Variants in MACF1 observed in about 807,000 individuals in gnomAD.
The protein encoded by MACF1 is microtubule-actin cross-linking factor 1.
MACF1 carries 193 observed loss-of-function variants against 854.8 expected under a neutral mutation model. That is an observed-to-expected ratio of 0.23 (90% CI 0.20 to 0.25). The LOEUF is 0.25. Among genes scored for constraint, MACF1 ranks in the 10% least tolerant of loss-of-function variants. MACF1 has a pLI of 1.00. For missense variants in MACF1, 7,722 were observed against 8,929.1 expected, an observed-to-expected ratio of 0.86 and a Z score of 5.45; for synonymous variants, 3,185 against 3,226.7, an observed-to-expected ratio of 0.99 and a Z score of 0.44.
chr1:39,182,543 G>A (rs1301955721), intron 2 of MACF1, among the ~76,000 whole-genome samples: 1 of 152,080 alleles, frequency 6.6e-6, no homozygotes, highest in Non-Finnish European at 1.5e-5. Flanking sequence ...AATGGGCAAA[G>A]GATTTATATA....
chr1:39,084,210 G>A lies in MACF1; in HGVS notation c.-9G>A, dbSNP rs199946219. 37 of 1,611,518 alleles carry A rather than the reference G, an allele frequency of 2.3e-5. No individual in the cohort carries two copies. Among genetic ancestry groups the A allele is most frequent in the African/African-American group, 2.7e-5 (2 of 75,014 alleles). ...CCCAGGCCCTCCTGCAGCAGCCCCC[G>A]CCTGGGCCATGTCTTCCTCAGATGA... On this transcript the variant is annotated 5_prime_UTR_variant, in exon 2 of 94. Coordinates refer to the MACF1 transcript ENST00000361689. The surrounding 1 kb of genome is among the most constrained non-coding windows in gnomAD (Gnocchi z 5.2).
intron 88 of MACF1, 56 bp downstream of exon 88, chr1:39,453,906 A>G: frequency 6.5e-7 from 1 of 1,536,302 alleles, no homozygotes; most frequent in Non-Finnish European, 8.8e-7. Flanking sequence ...TCACTATAGT[A>G]TAGTATAGTA....
intron 2 of MACF1, among the ~76,000 whole-genome samples, chr1:39,113,453 A>T (rs865912480): frequency 1.3e-5 from 2 of 152,212 alleles, no homozygotes; most frequent in East Asian, 3.8e-4. Context: ...AATAAAAATC[A>T]CTATGGAAAT....
chr1:39,181,582 A>T (rs1304051529), intron 2 of MACF1, among the ~76,000 whole-genome samples: 1 of 152,112 alleles, frequency 6.6e-6, no homozygotes, highest in African/African-American at 2.4e-5. Context: ...TGAAAATGCA[A>T]GGGACCCAGA....
intron 38 of MACF1, among the ~76,000 whole-genome samples, chr1:39,337,692 G>A (rs1399629279): frequency 3.5e-5 from 5 of 144,534 alleles, no homozygotes; most frequent in African/African-American, 5.1e-5. Context: ...TCAGCCTCCC[G>A]AATAGCTGCG....
chr1:39,188,047 G>T (rs1644201680), intron 2 of MACF1, among the ~76,000 whole-genome samples: 1 of 135,330 alleles, frequency 7.4e-6, no homozygotes, highest in African/African-American at 2.8e-5. Context: ...CATTGTCTCT[G>T]TTTCTTCTGA....
intron 80 of MACF1, among the ~76,000 whole-genome samples, chr1:39,446,462 G>C (rs867501395): frequency 6.6e-6 from 1 of 151,502 alleles, no homozygotes; most frequent in Non-Finnish European, 1.5e-5. Context: ...GTTTAGATTG[G>C]GTTTGTACAT....
Position 39,333,664 on chromosome 1 carries a change from T to C in MACF1, c.7076T>C (p.Leu2359Ser). ...VINEGLMDEKLLHNVLMADKA... is the reference protein window; with the variant it reads ...VINEGLMDEKSLHNVLMADKA... ...AATGAAGGTCTGATGGATGAGAAAT[T>C]ATTACATAATGTCCTCATGGCAGAC... is the stretch of plus-strand genomic sequence containing the variant. The change falls in exon 37 of 101, where the codon TTA (leucine) becomes TCA (serine). Residue 2359 changes from leucine to serine, a missense_variant. Transcript: ENST00000564288. The C allele has an allele frequency of 1.2e-6, 2 of 1,614,180 alleles. No homozygotes were observed. Among genetic ancestry groups the C allele is most frequent in the Non-Finnish European group, 1.7e-6 (2 of 1,180,028 alleles).
At chr1:39,360,012 A>AAAATATAT (rs1557608845) in intron 47 of MACF1, among the ~76,000 whole-genome samples, 4 of 28,832 alleles carry the variant, frequency 1.4e-4, no homozygotes, top group Non-Finnish European at 1.9e-4. Flanking sequence ...AAAAAAAAAA[A>AAAATATAT]ATATATATAT....
rs112654414 is a variant in MACF1 at position 39,304,440 on chromosome 1, C to T, written c.2789+1362C>T. 25 of 1,399,718 alleles carry T rather than the reference C, an allele frequency of 1.8e-5. 1 individual carries two copies. Among genetic ancestry groups the T allele is most frequent in the Middle Eastern group, 3.6e-4 (2 of 5,578 alleles). 86.7% of individuals were successfully genotyped at this position (1,399,718 alleles called of 1,614,324 possible). A position where few individuals can be genotyped will look rare whatever the true frequency, so the allele number is the denominator to read the frequency against. ...ACTGGTTGACCCTCTCCACCCTTTC[C>T]TTTAGAACCTGATCCAACAGCGACT... is the stretch of plus-strand genomic sequence containing the variant. On this transcript the variant is annotated intron_variant, in intron 23 of 100. Transcript: ENST00000564288.
chr1:39,485,452 C>A, intron 100 of MACF1, 86 bp from the exon 101 acceptor site: 2 of 1,404,480 alleles, frequency 1.4e-6, no homozygotes, highest in Non-Finnish European at 1.9e-6. Flanking sequence ...TAAGATCACA[C>A]AGGATCAGAA....
intron 44 of MACF1, among the ~76,000 whole-genome samples, chr1:39,356,908 G>A (rs1467799202): frequency 6.6e-6 from 1 of 152,166 alleles, no homozygotes; most frequent in Non-Finnish European, 1.5e-5. Flanking sequence ...GTGCCACAAA[G>A]CAAATGAGAT....
chr1:39,431,161 G>A (rs1198778066), intron 66 of MACF1, among the ~76,000 whole-genome samples: 4 of 152,170 alleles, frequency 2.6e-5, no homozygotes, highest in Non-Finnish European at 5.9e-5. Flanking sequence ...CCTTTTCTTA[G>A]CTAATGCCCT....
Position 39,282,196 on chromosome 1 carries a change from A to T in MACF1, c.529-12A>T. The T allele has an allele frequency of 6.2e-7, 1 of 1,612,866 alleles. No individual in the cohort carries two copies. Among genetic ancestry groups the T allele is most frequent in the South Asian group, 1.1e-5 (1 of 90,936 alleles). On this transcript the variant is annotated splice_polypyrimidine_tract_variant and intron_variant, in intron 6 of 100. Transcript: ENST00000564288. ...TTTATAATGAATTATTCTGTGTCCC[A>T]TCTTTTGGCAGATCTCTGACATCTA...
chr1:39,087,301 A>G (rs1276215473), intron 2 of MACF1, among the ~76,000 whole-genome samples: 1 of 152,198 alleles, frequency 6.6e-6, no homozygotes, highest in Non-Finnish European at 1.5e-5. Context: ...CTCACCAAAT[A>G]GAGATCTTCC....
intron 89 of MACF1, 61 bp downstream of exon 89, chr1:39,455,158 T>G: frequency 6.7e-7 from 1 of 1,501,512 alleles, no homozygotes; most frequent in Non-Finnish European, 9.2e-7. Flanking sequence ...AGACCATCTC[T>G]GTTGCCCTGT....
intron 58 of MACF1, among the ~76,000 whole-genome samples, chr1:39,417,713 A>ATTTT (rs56799242): frequency 2.0e-4 from 11 of 55,830 alleles, no homozygotes; most frequent in Admixed American, 1.0e-3. Context: ...CACCCAGTTA[A>ATTTT]TTTTTTTTTT....
At chr1:39,205,992 C>G (rs549144961) in intron 1 of MACF1, among the ~76,000 whole-genome samples, 1 of 152,212 alleles carries the variant, frequency 6.6e-6, no homozygotes, top group African/African-American at 2.4e-5. Context: ...CTTCAGTACT[C>G]TCATTGTGAT....
Position 39,084,334 on chromosome 1 carries a change from C to A in MACF1, c.116C>A (p.Pro39Gln), listed in dbSNP as rs571577446. 3 of 1,613,912 alleles carry A rather than the reference C, an allele frequency of 1.9e-6. No individual in the cohort carries two copies. The African/African-American group carries it at 4.0e-5, about 22-fold the overall frequency. The change falls in exon 2 of 94, where the codon CCA becomes CAA. Residue 39 changes from proline (P) to glutamine (Q), a missense_variant. Physicochemically the swap from Pro to Gln is moderately conservative, Grantham distance 76. Coordinates refer to the MACF1 transcript ENST00000361689. This position sits in a 1 kb window ranked among gnomAD's most constrained non-coding sequence, Gnocchi z 5.2. ...TCGGGGAGCCTGTCTCCCTGTCCCC[C>A]AGGGGACACCTTGCCCTGGAACCTG...
Sources: allele counts gnomAD v4.1 joint callset (sites outside exome capture counted in the v4.1 genomes callset), GRCh38; gene constraint gnomAD v4.1.1; non-coding constraint Gnocchi (gnomAD v3.1); transcripts MANE v1.5; gene names NCBI Gene and HGNC (gene_info 2026-07-23, HGNC 2026-07-21).